The following ACYP2 variants were observed in gnomAD, a reference collection of about 807,000 sequenced individuals.
ACYP2 encodes acylphosphatase 2.
In ACYP2, 12 loss-of-function variants were observed where a neutral mutation model predicts 11.2. The ratio of observed to expected loss-of-function variants is 1.08; its 90% CI spans 0.69 to 1.74. ACYP2 has a LOEUF of 1.74. ACYP2 is among the 40% of genes most tolerant of loss of function. The probability of loss-of-function intolerance (pLI) is 0.00; values close to 1 mark genes in which losing one functional copy is unlikely to be tolerated. For synonymous variants in ACYP2, 43 were observed against 32.2 expected, an observed-to-expected ratio of 1.33 and a Z score of -1.13; for missense variants, 134 against 101.9, an observed-to-expected ratio of 1.31 and a Z score of -1.35.
chr2:54,276,647 ACACACACACACACAC>A (rs1033498909), intron 6 of ACYP2, among the ~76,000 whole-genome samples: 2 of 144,796 alleles, frequency 1.4e-5, no homozygotes, highest in African/African-American at 5.6e-5. Flanking sequence ...ACACACACAC[ACACACACACACACAC>A]CACACACAAG....
chr2:54,204,720 C>G (rs1037576468), intron 6 of ACYP2, among the ~76,000 whole-genome samples: 1 of 152,120 alleles, frequency 6.6e-6, no homozygotes, highest in African/African-American at 2.4e-5. Flanking sequence ...TCAATTCTTT[C>G]TTCACTTCAG....
At chr2:54,115,186 T>A (rs1484209332) in intron 4 of ACYP2, among the ~76,000 whole-genome samples, 2 of 152,220 alleles carry the variant, frequency 1.3e-5, no homozygotes, top group Non-Finnish European at 2.9e-5. Context: ...ATCTTAAATG[T>A]TCTCTTCATT....
intron 6 of ACYP2, among the ~76,000 whole-genome samples, chr2:54,272,300 C>A (rs920434037): frequency 6.6e-6 from 1 of 152,186 alleles, no homozygotes; most frequent in South Asian, 2.1e-4. Context: ...TGTCTCTGGG[C>A]TCCTGTGACT....
chr2:54,016,319 G>A (rs1002600350), intron 2 of ACYP2, among the ~76,000 whole-genome samples: 2 of 151,792 alleles, frequency 1.3e-5, no homozygotes, highest in African/African-American at 2.4e-5. Flanking sequence ...ACAATACAGT[G>A]CATATATTAG....
chr2:54,256,175 T>C, intron 6 of ACYP2: 2 of 1,595,330 alleles, frequency 1.3e-6, no homozygotes, highest in Non-Finnish European at 8.5e-7. Context: ...AGGGCAGCAG[T>C]GGGTAGAGGC....
rs896969945 is a variant in ACYP2 at position 54,277,551 on chromosome 2, G to A, written c.405-27137G>A. Among the ~76,000 whole-genome samples, 27 of 152,006 alleles carry A rather than the reference G, an allele frequency of 1.8e-4. 1 individual carries two copies. Among genetic ancestry groups the A allele is most frequent in the African/African-American group, 6.0e-4 (25 of 41,392 alleles). On this transcript the variant is annotated intron_variant, in intron 6 of 6. Transcript: ENST00000607452. Reference sequence around the variant, plus strand: ...AAATTAGCCAGGTGTGGTGGCATGCGCCTGTAATCCCAGCTACTCAGGAGG... The same window carrying A: ...AAATTAGCCAGGTGTGGTGGCATGCACCTGTAATCCCAGCTACTCAGGAGG...
intron 6 of ACYP2, among the ~76,000 whole-genome samples, chr2:54,144,460 G>A (rs1011301017): frequency 4.6e-5 from 7 of 152,076 alleles, no homozygotes; most frequent in East Asian, 1.9e-4. Context: ...CAGATTATGA[G>A]GTCAGGAGTT....
intron 4 of ACYP2, among the ~76,000 whole-genome samples, chr2:54,120,959 C>T (rs775855080): frequency 1.5e-4 from 23 of 152,126 alleles, no homozygotes; most frequent in Non-Finnish European, 2.9e-4. Context: ...TGAATGGGAG[C>T]GTGTCACAAC....
At chr2:54,166,316 G>C (rs1022480115) in intron 6 of ACYP2, among the ~76,000 whole-genome samples, 1 of 152,194 alleles carries the variant, frequency 6.6e-6, no homozygotes, top group Non-Finnish European at 1.5e-5. Context: ...GTCAGGCAGA[G>C]TGTTGGGAAC....
chr2:54,075,624 C>A (rs1677297448), intron 4 of ACYP2, among the ~76,000 whole-genome samples: 1 of 151,600 alleles, frequency 6.6e-6, no homozygotes, highest in Non-Finnish European at 1.5e-5. Flanking sequence ...ACCAGCGTGG[C>A]CAATATGGTG....
At position 54,155,092 on chromosome 2, in the gene ACYP2, G is replaced by C. The variant is rs376197905; in HGVS notation, c.404+16344G>C. On this transcript the variant is annotated intron_variant, in intron 6 of 6. Transcript: ENST00000607452. ...TTTATTGGCATATGGTTGTTTGTTC[G>C]TACTAATCTTTATGATTCTTTGTAT... 1.4e-4 allele frequency among the ~76,000 whole-genome samples: 21 copies of C among 152,166 alleles called. No homozygotes were observed. In the South Asian group the frequency reaches 3.9e-3, roughly 29 times the overall value.
intron 4 of ACYP2, among the ~76,000 whole-genome samples, chr2:54,083,265 C>A (rs1026766028): frequency 5.9e-5 from 9 of 152,138 alleles, no homozygotes; most frequent in Non-Finnish European, 5.9e-5. Flanking sequence ...TGATGTCTCT[C>A]TTGAGGGCTA....
At chr2:54,184,886 A>G (rs1294858409) in intron 6 of ACYP2, among the ~76,000 whole-genome samples, 2 of 149,360 alleles carry the variant, frequency 1.3e-5, no homozygotes, top group Non-Finnish European at 3.0e-5. Flanking sequence ...TCACTCTGTC[A>G]CCCAGGCTGG....
At chr2:54,085,034 A>T (rs1677876778) in intron 4 of ACYP2, 1 of 152,232 alleles carries the variant, frequency 6.6e-6, no homozygotes, top group Non-Finnish European at 1.5e-5. Flanking sequence ...TCTTCAACTT[A>T]CTTTCAAAAA....
chr2:53,996,624 T>C (rs1186602060), intron 2 of ACYP2, among the ~76,000 whole-genome samples: 2 of 152,212 alleles, frequency 1.3e-5, no homozygotes, highest in African/African-American at 4.8e-5. Context: ...CTCAGCTTGC[T>C]GTGGTAGATT....
intron 6 of ACYP2, among the ~76,000 whole-genome samples, chr2:54,202,290 G>C (rs535609203): frequency 1.7e-3 from 228 of 137,316 alleles, no homozygotes; most frequent in African/African-American, 5.7e-3. Flanking sequence ...TGTATTTTCA[G>C]TAGAGACGGA....
At chr2:54,219,811 T>G (rs56349626) in intron 6 of ACYP2, among the ~76,000 whole-genome samples, 8 of 117,918 alleles carry the variant, frequency 6.8e-5, no homozygotes, top group Admixed American at 7.9e-5. Context: ...GTGTGTGTGT[T>G]TGTGTATGTG....
rs139501740 is a variant in ACYP2 at position 54,288,983 on chromosome 2, G to A, written c.405-15705G>A. Among the ~76,000 whole-genome samples, 498 of 152,016 alleles carry A rather than the reference G, an allele frequency of 3.3e-3. 2 individuals carry two copies. The highest frequency in any genetic ancestry group is 5.1e-3 in the Non-Finnish European group (348 of 68,008). ...CCCCAAGCTTTTAATTCTATTCAAA[G>A]CCTCATCATCTAAAAGTCATTTGGA... On this transcript the variant is annotated intron_variant, in intron 6 of 6. Coordinates refer to ENST00000607452, the MANE Select transcript of ACYP2 (RefSeq NM_001320586.2).
intron 2 of ACYP2, among the ~76,000 whole-genome samples, chr2:53,979,725 G>A (rs771595804): frequency 8.0e-4 from 122 of 151,978 alleles, no homozygotes; most frequent in Non-Finnish European, 1.6e-3. Flanking sequence ...GTTTTTAGAT[G>A]GAGTCTCACT....
Sources: gnomAD v4.1 joint callset for allele counts (sites outside exome capture counted in the v4.1 genomes callset) on GRCh38, gnomAD v4.1.1 for gene constraint, MANE v1.5 for transcripts, NCBI Gene and HGNC (gene_info 2026-07-23, HGNC 2026-07-21) for gene names.